GAS2: variants seen among roughly 807,000 people sequenced by gnomAD.
GAS2 encodes growth arrest-specific protein 2.
A neutral mutation model predicts 37.5 loss-of-function variants in GAS2; 20 were observed. That is an observed-to-expected ratio of 0.53 (90% CI 0.37 to 0.77). The LOEUF (loss-of-function observed/expected upper bound fraction) is 0.77. Ranked by LOEUF, GAS2 falls within the 30% of genes least tolerant of loss-of-function variation. GAS2 has a pLI of 0.00. For synonymous variants in GAS2, 144 were observed against 132.2 expected, an observed-to-expected ratio of 1.09 and a Z score of -0.61; for missense variants, 336 against 373.4, an observed-to-expected ratio of 0.90 and a Z score of 0.82.
At chr11:22,652,275 C>A (rs191535967) in intron 1 of GAS2, among the ~76,000 whole-genome samples, 1 of 152,182 alleles carries the variant, frequency 6.6e-6, no homozygotes, top group South Asian at 2.1e-4. Flanking sequence ...GCAGTCTGCC[C>A]GTTCTCAGAT....
chr11:22,666,815 G>C lies in GAS2; in HGVS notation c.-105G>C, dbSNP rs1413963641. On this transcript the variant is annotated 5_prime_UTR_variant, in exon 1 of 8. Coordinates refer to ENST00000454584, the MANE Select transcript of GAS2 (RefSeq NM_001143830.3). ...CTGCTGCAGGACCTGTGCCTGGAGG[G>C]GGCCGGCCCCGAGAAGCTGCAGGAG... The C allele has an allele frequency of 6.6e-6, 1 of 152,604 alleles. No homozygotes were observed. Among genetic ancestry groups the C allele is most frequent in the Non-Finnish European group, 1.5e-5 (1 of 68,364 alleles). The allele number at this position is 152,604 out of a possible 1,614,324, so 9.5% of individuals were successfully genotyped here.
At chr11:22,652,450 C>T (rs1227856966) in intron 1 of GAS2, among the ~76,000 whole-genome samples, 2 of 152,218 alleles carry the variant, frequency 1.3e-5, no homozygotes, top group African/African-American at 2.4e-5. Flanking sequence ...GGGCTCCATC[C>T]AGTTAGAGCT....
intron 1 of GAS2, among the ~76,000 whole-genome samples, chr11:22,651,880 C>T (rs952523552): frequency 3.9e-5 from 6 of 152,158 alleles, no homozygotes; most frequent in African/African-American, 1.2e-4. Flanking sequence ...TCCCACAGCT[C>T]GGAGTAATTT....
chr11:22,677,722 C>T (rs563570280), intron 2 of GAS2, among the ~76,000 whole-genome samples: 5 of 152,170 alleles, frequency 3.3e-5, no homozygotes, highest in South Asian at 2.1e-4. Context: ...CCTAACTGGG[C>T]GTCAGGAGAC....
At chr11:22,756,201 G>T (rs1291440176) in intron 7 of GAS2, among the ~76,000 whole-genome samples, 1 of 151,878 alleles carries the variant, frequency 6.6e-6, no homozygotes, top group Non-Finnish European at 1.5e-5. Flanking sequence ...AGATGAAGAA[G>T]GCTTTCCACT....
chr11:22,684,480 G>A (rs1196882841), intron 2 of GAS2, among the ~76,000 whole-genome samples: 1 of 151,030 alleles, frequency 6.6e-6, no homozygotes, highest in African/African-American at 2.5e-5. Flanking sequence ...GCTTGAATCT[G>A]TAGGACTTCT....
chr11:22,701,607 C>T (rs900725374), intron 3 of GAS2, among the ~76,000 whole-genome samples: 3 of 152,008 alleles, frequency 2.0e-5, no homozygotes, highest in Non-Finnish European at 4.4e-5. Context: ...GGCAGGTGGA[C>T]CACCTGAGTT....
chr11:22,687,540 A>G (rs1045469299), intron 3 of GAS2, among the ~76,000 whole-genome samples: 2 of 152,182 alleles, frequency 1.3e-5, no homozygotes, highest in African/African-American at 4.8e-5. Flanking sequence ...AAGATTGGCT[A>G]GTAAGTGACC....
chr11:22,685,993 A>G (rs1849925213), intron 3 of GAS2, among the ~76,000 whole-genome samples: 1 of 152,222 alleles, frequency 6.6e-6, no homozygotes. Context: ...TGGTGAATCT[A>G]ATTAAATAAA....
At chr11:22,754,484 A>C (rs1378478566) in intron 6 of GAS2, among the ~76,000 whole-genome samples, 1 of 152,122 alleles carries the variant, frequency 6.6e-6, no homozygotes, top group African/African-American at 2.4e-5. Context: ...TGTATATATT[A>C]AAGTTGGTTC....
At chr11:22,665,221 GA>G (rs1848964824), upstream of GAS2, among the ~76,000 whole-genome samples, 1 of 152,144 alleles carries the variant, frequency 6.6e-6, no homozygotes, top group African/African-American at 2.4e-5. Context: ...TAGGATGTAA[GA>G]TTTTGAAAGT....
At chr11:22,789,317 CACACACACACACACAA>C (rs1176229685) in intron 7 of GAS2, among the ~76,000 whole-genome samples, 6 of 136,526 alleles carry the variant, frequency 4.4e-5, no homozygotes, top group Non-Finnish European at 7.8e-5. Context: ...CACACACACA[CACACACACACACACAA>C]ACACACACAC....
At chr11:22,811,760 T>C in intron 7 of GAS2, 38 bp from the exon 8 acceptor site, 6 of 1,584,038 alleles carry the variant, frequency 3.8e-6, no homozygotes, top group Non-Finnish European at 5.2e-6. Context: ...CTGTAAGAAT[T>C]CTCGGAATTT....
chr11:22,627,083 G>A (rs1469327177), intron 1 of GAS2, among the ~76,000 whole-genome samples: 3 of 152,106 alleles, frequency 2.0e-5, no homozygotes, highest in African/African-American at 4.8e-5. Flanking sequence ...GTGTGCCACC[G>A]CGCCCGGCTA....
chr11:22,724,746 G>T (rs947370316), intron 3 of GAS2, among the ~76,000 whole-genome samples: 1 of 151,860 alleles, frequency 6.6e-6, no homozygotes, highest in Non-Finnish European at 1.5e-5. Context: ...AATCAAATTC[G>T]AGTTGCAACA....
intron 7 of GAS2, among the ~76,000 whole-genome samples, chr11:22,771,433 A>G (rs1854975474): frequency 6.6e-6 from 1 of 152,156 alleles, no homozygotes; most frequent in Non-Finnish European, 1.5e-5. Context: ...TGCAAAAGGA[A>G]CCTCATGGAC....
chr11:22,635,746 T>C (rs1179629633), intron 1 of GAS2, among the ~76,000 whole-genome samples: 1 of 152,232 alleles, frequency 6.6e-6, no homozygotes, highest in East Asian at 1.9e-4. Context: ...CTGACTGACT[T>C]CTGTGAGGTA....
intron 1 of GAS2, among the ~76,000 whole-genome samples, chr11:22,647,108 T>C (rs1190772301): frequency 7.9e-6 from 1 of 127,254 alleles, no homozygotes; most frequent in Non-Finnish European, 1.6e-5. Flanking sequence ...GAGTGTGATG[T>C]TCCCCTTCCT....
chr11:22,650,864 CTT>C (rs1325799430), intron 1 of GAS2, among the ~76,000 whole-genome samples: 3 of 151,428 alleles, frequency 2.0e-5, no homozygotes, highest in African/African-American at 7.3e-5. Flanking sequence ...GATCTTGACT[CTT>C]TATCCAATTT....
Sources: allele counts gnomAD v4.1 joint callset (sites outside exome capture counted in the v4.1 genomes callset), GRCh38; gene constraint gnomAD v4.1.1; transcripts MANE v1.5; gene names NCBI Gene and HGNC (gene_info 2026-07-23, HGNC 2026-07-21).